GALNT13: variants seen among roughly 807,000 people sequenced by gnomAD.
The protein encoded by GALNT13 is UDP-GalNAc:polypeptide N-acetylgalactosaminyltransferase 13.
GALNT13 carries 28 observed loss-of-function variants against 64.2 expected under a neutral mutation model. The observed-to-expected ratio is 0.44, with a 90% CI of 0.32 to 0.60. The LOEUF (loss-of-function observed/expected upper bound fraction) is 0.60. Among genes scored for constraint, GALNT13 ranks in the 20% least tolerant of loss-of-function variants. The pLI is 0.05. For synonymous variants in GALNT13, 214 were observed against 224.6 expected (o/e 0.95, Z 0.42); for missense variants, 577 against 669.8 (o/e 0.86, Z 1.53).
the GALNT13 span, among the ~76,000 whole-genome samples, chr2:153,230,993 T>A: frequency 6.6e-6 from 1 of 152,210 alleles, no homozygotes. Flanking sequence ...ATGGGTGAGA[T>A]GCTTTTCTTG....
chr2:154,084,146 C>A (rs1305864077), intron 3 of GALNT13, among the ~76,000 whole-genome samples: 1 of 151,726 alleles, frequency 6.6e-6, no homozygotes, highest in Non-Finnish European at 1.5e-5. Flanking sequence ...CAATAATGGT[C>A]CAGATGTGTT....
chr2:153,202,198 A>G, the GALNT13 span, among the ~76,000 whole-genome samples: 3 of 151,524 alleles, frequency 2.0e-5, no homozygotes, highest in Admixed American at 6.6e-5. Flanking sequence ...GTTAGCCAGG[A>G]TGGTCTCGAT....
At position 154,138,110 on chromosome 2, in the gene GALNT13, T is replaced by C. The variant is rs1683051838; in HGVS notation, c.143-2227T>C. Among the ~76,000 whole-genome samples the C allele has an allele frequency of 2.0e-5, 3 of 152,072 alleles. No individual in the cohort carries two copies. In the South Asian group the frequency reaches 6.2e-4, roughly 32 times the overall value. ...CTCATAGTTTTCCCCATACATTTCC[T>C]AGTTACAAACCCACAATTTACTGCC... On this transcript the variant is annotated intron_variant, in intron 3 of 12. Coordinates refer to ENST00000392825, the MANE Select transcript of GALNT13 (RefSeq NM_052917.4).
At chr2:153,647,983 T>C in the GALNT13 span, among the ~76,000 whole-genome samples, 2 of 152,284 alleles carry the variant, frequency 1.3e-5, no homozygotes, top group African/African-American at 4.8e-5. Context: ...TTTAAAGTAG[T>C]TTTTTCCAAT....
intron 12 of GALNT13, 62 bp from the exon 13 acceptor site, chr2:154,450,349 C>A (rs1449380397): frequency 7.0e-7 from 1 of 1,427,030 alleles, no homozygotes; most frequent in Non-Finnish European, 9.6e-7. Context: ...CAGATTTTAT[C>A]TGATGTGCTA....
At chr2:153,284,097 G>A in the GALNT13 span, among the ~76,000 whole-genome samples, 1 of 152,212 alleles carries the variant, frequency 6.6e-6, no homozygotes, top group Admixed American at 6.5e-5. Context: ...TCAGACTGCT[G>A]ATTCAGACCA....
At chr2:153,285,297 A>G in the GALNT13 span, among the ~76,000 whole-genome samples, 1 of 152,136 alleles carries the variant, frequency 6.6e-6, no homozygotes, top group Non-Finnish European at 1.5e-5. Flanking sequence ...GATAATTACA[A>G]TCAAGGTGAG....
At chr2:153,577,163 A>G in the GALNT13 span, among the ~76,000 whole-genome samples, 85,618 of 151,982 alleles carry the variant, frequency 0.56, 25,122 homozygotes, top group African/African-American at 0.72. Context: ...GTCTTTTAGC[A>G]TGACATTTTT....
the GALNT13 span, among the ~76,000 whole-genome samples, chr2:153,651,089 A>G: frequency 6.6e-6 from 1 of 152,162 alleles, no homozygotes. Context: ...CATTGTCCCT[A>G]TAATTAACAA....
chr2:153,237,849 T>C, the GALNT13 span, among the ~76,000 whole-genome samples: 2 of 152,078 alleles, frequency 1.3e-5, no homozygotes, highest in African/African-American at 4.8e-5. Context: ...TATATATACC[T>C]AGCATTGGGA....
chr2:153,961,910 C>T, intron 3 of GALNT13, among the ~76,000 whole-genome samples: 1 of 152,172 alleles, frequency 6.6e-6, no homozygotes, highest in Non-Finnish European at 1.5e-5. Flanking sequence ...ATCTTCATCA[C>T]CTAAAACAGT....
chr2:154,260,688 G>A (rs942860788), intron 8 of GALNT13, among the ~76,000 whole-genome samples: 1 of 152,066 alleles, frequency 6.6e-6, no homozygotes, highest in Non-Finnish European at 1.5e-5. Flanking sequence ...ATTATTACCT[G>A]TTATGGTTCT....
chr2:154,329,497 T>C (rs1303682726), intron 9 of GALNT13, among the ~76,000 whole-genome samples: 6 of 152,208 alleles, frequency 3.9e-5, no homozygotes, highest in Non-Finnish European at 8.8e-5. Context: ...TGTTTTGTGC[T>C]TTGCTTTTGC....
the GALNT13 span, among the ~76,000 whole-genome samples, chr2:153,328,104 C>A: frequency 1.3e-5 from 2 of 152,118 alleles, no homozygotes; most frequent in Non-Finnish European, 2.9e-5. Flanking sequence ...CACTCCAGAC[C>A]CTGTTTGCCT....
At chr2:153,882,930 G>A (rs1436040025) in intron 1 of GALNT13, among the ~76,000 whole-genome samples, 2 of 150,964 alleles carry the variant, frequency 1.3e-5, no homozygotes, top group Admixed American at 6.6e-5. Context: ...ATTTTAGAAC[G>A]TCTGCAACAT....
intron 3 of GALNT13, among the ~76,000 whole-genome samples, chr2:154,105,645 G>A (rs1418989286): frequency 1.3e-5 from 2 of 152,124 alleles, no homozygotes; most frequent in Admixed American, 1.3e-4. Context: ...AGTGATGCAT[G>A]ACTGTATTTA....
the GALNT13 span, among the ~76,000 whole-genome samples, chr2:153,808,215 C>T: frequency 6.6e-6 from 1 of 152,018 alleles, no homozygotes; most frequent in Non-Finnish European, 1.5e-5. Flanking sequence ...ACTGAAACTA[C>T]CTAAAAAGTC....
chr2:153,981,703 T>C (rs1488079199), intron 3 of GALNT13, among the ~76,000 whole-genome samples: 2 of 152,120 alleles, frequency 1.3e-5, no homozygotes, highest in Admixed American at 6.6e-5. Flanking sequence ...CAAAAGTTGC[T>C]TAAATTCACA....
chr2:154,274,897 A>G (rs757770279), intron 8 of GALNT13, among the ~76,000 whole-genome samples: 7 of 152,126 alleles, frequency 4.6e-5, no homozygotes, highest in Non-Finnish European at 1.0e-4. Flanking sequence ...GACTTGTTTA[A>G]TGGCTTTGAA....
Sources: gnomAD v4.1 joint callset for allele counts (sites outside exome capture counted in the v4.1 genomes callset) on GRCh38, gnomAD v4.1.1 for gene constraint, MANE v1.5 for transcripts, NCBI Gene and HGNC (gene_info 2026-07-23, HGNC 2026-07-21) for gene names.